Variants in FGD4 observed in about 807,000 individuals in gnomAD.
The protein encoded by FGD4 is FYVE, RhoGEF and PH domain containing 4, also known as FYVE, RhoGEF and PH domain-containing protein 4.
FGD4 carries 42 observed loss-of-function variants against 102.0 expected under a neutral mutation model. That is an observed-to-expected ratio of 0.41 (90% CI 0.32 to 0.53). FGD4 has a LOEUF of 0.53. Ranked by LOEUF, FGD4 falls within the 20% of genes least tolerant of loss-of-function variation. FGD4 has a pLI of 0.21. For synonymous variants in FGD4, 380 were observed against 375.7 expected, an observed-to-expected ratio of 1.01 and a Z score of -0.13; for missense variants, 902 against 1,078.2, an observed-to-expected ratio of 0.84 and a Z score of 2.29.
At chr12:32,542,384 G>A (rs947850705) in intron 1 of FGD4, among the ~76,000 whole-genome samples, 1 of 152,184 alleles carries the variant, frequency 6.6e-6, no homozygotes, top group African/African-American at 2.4e-5. Flanking sequence ...TTATGAAAAG[G>A]ATCTATTTTC....
intron 4 of FGD4, among the ~76,000 whole-genome samples, chr12:32,590,379 C>T (rs1947376396): frequency 6.6e-6 from 1 of 150,682 alleles, no homozygotes; most frequent in African/African-American, 2.4e-5. Flanking sequence ...CTCTCTCTCT[C>T]TCTTTTTAAT....
chr12:32,504,842 T>G (rs1399543071), intron 1 of FGD4, among the ~76,000 whole-genome samples: 2 of 152,202 alleles, frequency 1.3e-5, no homozygotes, highest in Non-Finnish European at 2.9e-5. Context: ...GCTCCTTCCT[T>G]TGACACATTA....
At position 32,601,791 on chromosome 12, in the gene FGD4, T is replaced by C. The variant is rs370951178; in HGVS notation, c.1247+368T>C. Among the ~76,000 whole-genome samples the C allele has an allele frequency of 7.9e-5, 12 of 152,338 alleles. 2 individuals carry two copies. Among genetic ancestry groups the C allele is most frequent in the Admixed American group, 1.3e-4 (2 of 15,300 alleles). On this transcript the variant is annotated intron_variant, in intron 6 of 16. Transcript: ENST00000534526. Reference sequence around the variant, plus strand: ...AATGTGATTACTTCCTCTCTAGTCCTGTCAATTCACTCATTCTATAAGAAA... The same window carrying C: ...AATGTGATTACTTCCTCTCTAGTCCCGTCAATTCACTCATTCTATAAGAAA...
chr12:32,439,404 G>C (rs1345373866), intron 1 of FGD4, among the ~76,000 whole-genome samples: 2 of 152,184 alleles, frequency 1.3e-5, no homozygotes, highest in Non-Finnish European at 2.9e-5. Flanking sequence ...ATTGTGAATA[G>C]TGCTGCAGTG....
At chr12:32,480,467 G>T (rs966308694) in intron 1 of FGD4, among the ~76,000 whole-genome samples, 6 of 150,142 alleles carry the variant, frequency 4.0e-5, no homozygotes, top group Non-Finnish European at 7.4e-5. Flanking sequence ...CAACCTGTTT[G>T]TTTTTTCTTC....
At chr12:32,561,067 TG>T in intron 1 of FGD4, among the ~76,000 whole-genome samples, 1 of 140,702 alleles carries the variant, frequency 7.1e-6, no homozygotes, top group African/African-American at 2.6e-5. Context: ...GTTTCTTTGT[TG>T]GGTTTTGTTT....
At chr12:32,637,856 GTC>G (rs1468732711) in intron 15 of FGD4, 1 of 152,104 alleles carries the variant, frequency 6.6e-6, no homozygotes, top group East Asian at 1.9e-4. Flanking sequence ...CTCCTATCAG[GTC>G]TCTCCCTCGA....
At chr12:32,493,757 G>T (rs1944190142) in intron 1 of FGD4, among the ~76,000 whole-genome samples, 1 of 152,176 alleles carries the variant, frequency 6.6e-6, no homozygotes, top group African/African-American at 2.4e-5. Context: ...GTAGGAGCCA[G>T]AAATTAAAGT....
chr12:32,578,387 G>A (rs1245523750), intron 3 of FGD4, among the ~76,000 whole-genome samples: 1 of 152,130 alleles, frequency 6.6e-6, no homozygotes, highest in East Asian at 1.9e-4. Context: ...CCATTGCAAG[G>A]GTCGTTTTCA....
intron 4 of FGD4, among the ~76,000 whole-genome samples, chr12:32,595,977 CAT>C (rs1392829228): frequency 6.6e-6 from 1 of 152,202 alleles, no homozygotes; most frequent in East Asian, 1.9e-4. Context: ...AAGTAGATCT[CAT>C]GTGGTGAACA....
At chr12:32,472,981 C>G (rs1943460725) in intron 1 of FGD4, among the ~76,000 whole-genome samples, 1 of 152,014 alleles carries the variant, frequency 6.6e-6, no homozygotes, top group Non-Finnish European at 1.5e-5. Flanking sequence ...AATCAGCACC[C>G]TGTGTTTAGC....
At chr12:32,411,470 G>A (rs1941204891) in intron 1 of FGD4, among the ~76,000 whole-genome samples, 1 of 151,938 alleles carries the variant, frequency 6.6e-6, no homozygotes, top group Non-Finnish European at 1.5e-5. Context: ...AGAGGCAGAG[G>A]TTGCGGTGAG....
intron 1 of FGD4, among the ~76,000 whole-genome samples, chr12:32,548,252 T>C (rs755899044): frequency 9.2e-5 from 14 of 152,164 alleles, no homozygotes; most frequent in Non-Finnish European, 4.4e-5. Context: ...GGTTGGATTA[T>C]AGATCTTCAA....
At chr12:32,400,002 A>G in intron 1 of FGD4, 43 bp downstream of exon 1, 1 of 1,423,798 alleles carries the variant, frequency 7.0e-7, no homozygotes, top group Non-Finnish European at 9.1e-7. Flanking sequence ...CCCGGCGCGT[A>G]GGTGCGGGTG....
At position 32,611,177 on chromosome 12, in the gene FGD4, G is replaced by A. The variant is rs1015788856; in HGVS notation, c.1643G>A (p.Gly548Glu). ...CTCTTAGAGATTTATGAAATGTTGGGAGAAGAAGAAGACATTGTAAACCCT... is the reference window on the plus strand; with the variant it reads ...CTCTTAGAGATTTATGAAATGTTGGAAGAAGAAGAAGACATTGTAAACCCT... ...KKLLEIYEML[G>E]EEEDIVNPSN... Residue 548 changes from glycine to glutamate, a missense_variant, in exon 10 of 17, where the codon GGA becomes GAA. Physicochemically the swap from Gly to Glu is moderately conservative, Grantham distance 98. Around this residue, in one of 2 missense-constraint regions of FGD4, gnomAD observed 459 missense variants for 619.0 expected, o/e 0.74. Transcript: ENST00000534526. 1 of 1,614,132 alleles carries A rather than the reference G, an allele frequency of 6.2e-7. No homozygotes were observed. The highest frequency in any genetic ancestry group is 8.5e-7 in the Non-Finnish European group (1 of 1,180,030).
rs1181623697 is a variant in FGD4, at chr12:32,549,451, T to G, written c.167-14686T>G. ...CCCCTCGTCCTTCCATCCGAATCACTTGGCTGATATTTGTTGCTGCTATTA... is the reference window on the plus strand; with the variant it reads ...CCCCTCGTCCTTCCATCCGAATCACGTGGCTGATATTTGTTGCTGCTATTA... On this transcript the variant is annotated intron_variant, in intron 1 of 16. Coordinates refer to ENST00000534526, the MANE Select transcript of FGD4 (RefSeq NM_001370298.3). Among the ~76,000 whole-genome samples, 3 of 152,274 alleles carry G rather than the reference T, an allele frequency of 2.0e-5. No individual in the cohort carries two copies. The East Asian group carries it at 5.8e-4, about 29-fold the overall frequency.
chr12:32,543,377 G>A (rs983648968), intron 1 of FGD4, among the ~76,000 whole-genome samples: 2 of 152,098 alleles, frequency 1.3e-5, no homozygotes, highest in Non-Finnish European at 2.9e-5. Flanking sequence ...TCATGTAGAC[G>A]TGATCAATTA....
intron 7 of FGD4, among the ~76,000 whole-genome samples, chr12:32,607,467 G>T (rs987316089): frequency 5.3e-5 from 8 of 152,162 alleles, no homozygotes; most frequent in African/African-American, 1.9e-4. Context: ...CTTCCCCAAA[G>T]ATTGTGATGT....
At chr12:32,594,666 ACTC>A (rs1947734079) in intron 4 of FGD4, among the ~76,000 whole-genome samples, 1 of 151,934 alleles carries the variant, frequency 6.6e-6, no homozygotes, top group South Asian at 2.1e-4. Context: ...ATTTGTCAAA[ACTC>A]CTGGAACTGT....
Sources: gnomAD v4.1 joint callset for allele counts (sites outside exome capture counted in the v4.1 genomes callset) on GRCh38, gnomAD v4.1.1 for gene constraint, gnomAD v4.1.1 regional missense constraint, MANE v1.5 for transcripts, NCBI Gene and HGNC (gene_info 2026-07-23, HGNC 2026-07-21) for gene names.